PKD1L3: variants seen among roughly 807,000 people sequenced by gnomAD.
PKD1L3 encodes polycystin 1 like 3, transient receptor potential channel interacting, also known as polycystin-1-like protein 3.
A neutral mutation model predicts 184.1 loss-of-function variants in PKD1L3; 239 were observed. That is an observed-to-expected ratio of 1.30 (90% confidence interval 1.17 to 1.45). PKD1L3 has a LOEUF of 1.45. Ranked by LOEUF, PKD1L3 falls within the 40% of genes most tolerant of loss-of-function variation. The pLI is 0.00. For missense variants in PKD1L3, 2,660 were observed against 2,067.2 expected (o/e 1.29, Z -5.56); for synonymous variants, 996 against 778.8 (o/e 1.28, Z -4.64).
chr16:71,964,404 T>C (rs1279625470), intron 15 of PKD1L3, among the ~76,000 whole-genome samples: 1 of 134,568 alleles, frequency 7.4e-6, no homozygotes, highest in African/African-American at 2.8e-5. Flanking sequence ...AGTGGTGTGA[T>C]CTTGGCTCAC....
chr16:71,974,124 T>C (rs979865800), intron 11 of PKD1L3, among the ~76,000 whole-genome samples: 3 of 152,150 alleles, frequency 2.0e-5, no homozygotes, highest in Non-Finnish European at 1.5e-5. Context: ...AGTTAGCAGA[T>C]AGAAGACTAA....
At chr16:71,973,159 C>T (rs2039782035) in intron 12 of PKD1L3, among the ~76,000 whole-genome samples, 165 bp downstream of exon 12, 3 of 152,238 alleles carry the variant, frequency 2.0e-5, no homozygotes, top group African/African-American at 7.2e-5. Context: ...CACACTTGCC[C>T]TGCCCACCAC....
chr16:71,953,413 C>G (rs1357978651), intron 17 of PKD1L3, among the ~76,000 whole-genome samples: 1 of 46,430 alleles, frequency 2.2e-5, no homozygotes, highest in Non-Finnish European at 5.0e-5. Context: ...TTCTTCATGG[C>G]TGGGGAGGCC....
intron 6 of PKD1L3, among the ~76,000 whole-genome samples, chr16:71,983,390 G>T (rs1322610112): frequency 6.6e-6 from 1 of 151,898 alleles, no homozygotes; most frequent in African/African-American, 2.4e-5. Context: ...CAAGCTATCC[G>T]CCTGATTCAG....
intron 1 of PKD1L3, 47 bp from the exon 2 acceptor site, chr16:71,998,441 C>T: frequency 6.6e-7 from 1 of 1,518,202 alleles, no homozygotes; most frequent in Non-Finnish European, 8.8e-7. Flanking sequence ...GAAAGCCAGG[C>T]TTTTAGGTTT....
rs1233801242 is a variant in PKD1L3, at chr16:71,995,003, G to A, written c.419-1671C>T. ...AACTCCATCTCAAGAAAAAAAAACA[G>A]TTGACTTAAATTTGTTTTATAATTG... On this transcript the variant is annotated intron_variant, in intron 2 of 29. Transcript: ENST00000620267. 2.6e-5 allele frequency among the ~76,000 whole-genome samples: 4 copies of A among 151,988 alleles called. No individual in the cohort carries two copies. In the East Asian group the frequency reaches 7.7e-4, roughly 29 times the overall value.
At chr16:71,930,343 A>C (rs1364166370) in intron 28 of PKD1L3, 160 bp from the exon 29 acceptor site, 3 of 660,300 alleles carry the variant, frequency 4.5e-6, no homozygotes, top group Non-Finnish European at 7.0e-6. Flanking sequence ...AATACTTTTA[A>C]ATGGACAGAA....
In PKD1L3 at chr16:71,977,372, C is replaced by G. The variant is rs747223456; in HGVS notation, c.1623G>C (p.Leu541Phe). 6.4e-7 allele frequency: 1 copy of G among 1,551,022 alleles called. No homozygotes were observed. Among genetic ancestry groups the G allele is most frequent in the South Asian group, 1.2e-5 (1 of 84,032 alleles). The change falls in exon 11 of 30, where the codon TTG becomes TTC. Residue 541 changes from leucine (L) to phenylalanine (F), a missense_variant. Leu to Phe is a conservative substitution (Grantham distance 22). Transcript: ENST00000620267. ...QLTITVNVTS[L>F]EKSLIVSIDP... ...CTATGCTCACTATCAAGGATTTCTC[C>G]AAGGAAGTGACGTTCACTGTGATTG...
chr16:71,938,885 G>A (rs2038269410), intron 24 of PKD1L3, among the ~76,000 whole-genome samples: 1 of 152,220 alleles, frequency 6.6e-6, no homozygotes, highest in Non-Finnish European at 1.5e-5. Flanking sequence ...TGCAGGACAA[G>A]AACTCGGGAC....
intron 24 of PKD1L3, among the ~76,000 whole-genome samples, chr16:71,937,780 A>G (rs926320504): frequency 2.0e-5 from 3 of 152,208 alleles, no homozygotes; most frequent in Admixed American, 6.5e-5. Flanking sequence ...ACGGTATCCC[A>G]TGGATACTCA....
intron 6 of PKD1L3, among the ~76,000 whole-genome samples, chr16:71,983,659 C>CTCTTTTTTTTT (rs2040244134): frequency 1.1e-5 from 1 of 92,396 alleles, no homozygotes; most frequent in African/African-American, 4.0e-5. Flanking sequence ...TCCAGATTCT[C>CTCTTTTTTTTT]TTTCTTTTTT....
intron 28 of PKD1L3, among the ~76,000 whole-genome samples, chr16:71,932,602 G>A (rs2038016340): frequency 6.6e-6 from 1 of 151,850 alleles, no homozygotes; most frequent in South Asian, 2.1e-4. Context: ...ACCTCCTGAG[G>A]AGCTGGGATT....
chr16:71,933,580 G>C (rs921923628), intron 27 of PKD1L3, 59 bp from the exon 28 acceptor site: 18 of 1,269,736 alleles, frequency 1.4e-5, no homozygotes, highest in Non-Finnish European at 1.9e-5. Flanking sequence ...TCTATCCTGA[G>C]GTGCTTGGGG....
At chr16:71,985,683 C>T (rs893221895) in intron 5 of PKD1L3, among the ~76,000 whole-genome samples, 26 of 152,190 alleles carry the variant, frequency 1.7e-4, no homozygotes, top group East Asian at 3.8e-4. Flanking sequence ...TCCTCCACCT[C>T]GGCCTCCCAA....
intron 22 of PKD1L3, 56 bp from the exon 23 acceptor site, chr16:71,944,226 T>TC (rs760922261): frequency 5.5e-6 from 8 of 1,458,302 alleles, no homozygotes; most frequent in Non-Finnish European, 7.5e-6. Flanking sequence ...AAGCAGTCAC[T>TC]CACCATTCAT....
At chr16:71,945,974 T>C (rs563290782) in intron 22 of PKD1L3, among the ~76,000 whole-genome samples, 1 of 152,300 alleles carries the variant, frequency 6.6e-6, no homozygotes, top group East Asian at 1.9e-4. Flanking sequence ...ATTATTATTT[T>C]TGAGACGAAG....
intron 28 of PKD1L3, among the ~76,000 whole-genome samples, chr16:71,932,912 G>C (rs2143107926): frequency 6.7e-6 from 1 of 150,242 alleles, no homozygotes; most frequent in South Asian, 2.1e-4. Context: ...CCAGCCTCCT[G>C]AGTGGCTAGG....
At chr16:71,995,122 C>T (rs558641905) in intron 2 of PKD1L3, among the ~76,000 whole-genome samples, 2 of 152,140 alleles carry the variant, frequency 1.3e-5, no homozygotes, top group Non-Finnish European at 2.9e-5. Flanking sequence ...GGAGGCTGGA[C>T]GTCCAAGAAG....
chr16:71,987,526 C>T (rs916747776), intron 4 of PKD1L3, among the ~76,000 whole-genome samples: 5 of 152,120 alleles, frequency 3.3e-5, no homozygotes, highest in African/African-American at 4.8e-5. Context: ...GACCACATCA[C>T]CACACCCGGC....
Sources: allele counts gnomAD v4.1 joint callset (sites outside exome capture counted in the v4.1 genomes callset), GRCh38; gene constraint gnomAD v4.1.1; transcripts MANE v1.5; gene names NCBI Gene and HGNC (gene_info 2026-07-23, HGNC 2026-07-21).